Variants in HMGCLL1 observed in about 807,000 individuals in gnomAD.
The protein encoded by HMGCLL1 is 3-hydroxymethyl-3-methylglutaryl-CoA lyase, cytoplasmic.
Under a neutral mutation model 39.1 loss-of-function variants are expected in HMGCLL1, and 36 were observed. The ratio of observed to expected loss-of-function variants is 0.92; its 90% CI spans 0.71 to 1.22. HMGCLL1 has a LOEUF of 1.22. Among genes scored for constraint, HMGCLL1 ranks in the 50% most tolerant of loss-of-function variants. The pLI is 0.00. For missense variants in HMGCLL1, 451 were observed against 416.5 expected (o/e 1.08, Z -0.72); for synonymous variants, 149 against 144.0 (o/e 1.03, Z -0.25).
At chr6:55,583,182 C>T (rs1174128067), upstream of HMGCLL1, among the ~76,000 whole-genome samples, 1 of 151,676 alleles carries the variant, frequency 6.6e-6, no homozygotes, top group Non-Finnish European at 1.5e-5. Flanking sequence ...TTGATGAAGC[C>T]ATTTATTTTT....
chr6:55,444,063 T>C (rs1427081722), intron 7 of HMGCLL1, among the ~76,000 whole-genome samples: 5 of 152,104 alleles, frequency 3.3e-5, no homozygotes, highest in African/African-American at 1.2e-4. Context: ...ATAGTATCAG[T>C]TTGTGAAAAT....
intron 1 of HMGCLL1, among the ~76,000 whole-genome samples, chr6:55,548,277 C>A (rs4521577): frequency 0.67 from 101,345 of 151,760 alleles, 34,117 homozygotes; most frequent in Admixed American, 0.72. Context: ...TAAAAACAAG[C>A]TCTAGAAATG....
At chr6:55,491,344 T>C (rs1766300138) in intron 7 of HMGCLL1, among the ~76,000 whole-genome samples, 5 of 152,036 alleles carry the variant, frequency 3.3e-5, no homozygotes, top group Admixed American at 3.3e-4. Context: ...AAACTTAAAG[T>C]ATAATAAAAA....
At chr6:55,543,586 A>G (rs1266525535) in intron 1 of HMGCLL1, among the ~76,000 whole-genome samples, 1 of 67,342 alleles carries the variant, frequency 1.5e-5, no homozygotes, top group Non-Finnish European at 3.6e-5. Flanking sequence ...TTATATATTT[A>G]TATATATATA....
the HMGCLL1 span, among the ~76,000 whole-genome samples, chr6:55,593,469 T>C: frequency 6.6e-6 from 1 of 152,168 alleles, no homozygotes; most frequent in East Asian, 1.9e-4. Context: ...GGAGAAGTGA[T>C]ATTTCTCCTA....
the HMGCLL1 span, among the ~76,000 whole-genome samples, chr6:55,597,275 C>T: frequency 2.0e-5 from 3 of 151,952 alleles, no homozygotes; most frequent in African/African-American, 7.2e-5. Context: ...TTCATATATA[C>T]TTTTAAAAAG....
At chr6:55,462,808 C>T (rs1764631472) in intron 7 of HMGCLL1, among the ~76,000 whole-genome samples, 1 of 152,096 alleles carries the variant, frequency 6.6e-6, no homozygotes, top group South Asian at 2.1e-4. Flanking sequence ...TATATTGCTG[C>T]TATACATTTC....
chr6:55,517,956 A>T (rs9475335), intron 3 of HMGCLL1, among the ~76,000 whole-genome samples: 103,866 of 151,998 alleles, frequency 0.68, 35,543 homozygotes, highest in Admixed American at 0.73. Flanking sequence ...TTCTCACTTA[A>T]TTCTATACTA....
At chr6:55,521,609 T>G (rs1768047159) in intron 3 of HMGCLL1, among the ~76,000 whole-genome samples, 1 of 152,090 alleles carries the variant, frequency 6.6e-6, no homozygotes, top group African/African-American at 2.4e-5. Context: ...ACTATTGTCA[T>G]TATTTTGTGG....
intron 7 of HMGCLL1, among the ~76,000 whole-genome samples, chr6:55,453,695 A>G (rs1237135100): frequency 6.6e-6 from 1 of 152,260 alleles, no homozygotes; most frequent in African/African-American, 2.4e-5. Flanking sequence ...ATATGTAAGT[A>G]GAAACATTTG....
intron 3 of HMGCLL1, among the ~76,000 whole-genome samples, chr6:55,528,374 T>C (rs1348488045): frequency 1.3e-5 from 2 of 152,116 alleles, no homozygotes; most frequent in South Asian, 2.1e-4. Context: ...TTAAAGGCGA[T>C]ACATTCGTAA....
At chr6:55,631,746 A>G in the HMGCLL1 span, among the ~76,000 whole-genome samples, 4 of 152,240 alleles carry the variant, frequency 2.6e-5, no homozygotes, top group South Asian at 8.3e-4. Flanking sequence ...TTACTGTGGA[A>G]TTGATATATG....
chr6:55,566,685 A>G, intron 1 of HMGCLL1: 1 of 454,306 alleles, frequency 2.2e-6, no homozygotes, highest in South Asian at 1.6e-5. Flanking sequence ...TTAACTTAAT[A>G]GAAACACAGA....
chr6:55,609,917 C>A, the HMGCLL1 span, among the ~76,000 whole-genome samples: 3 of 152,036 alleles, frequency 2.0e-5, no homozygotes, highest in Non-Finnish European at 4.4e-5. Flanking sequence ...CCGAAGTGAA[C>A]CCCCAGCAAA....
intron 3 of HMGCLL1, among the ~76,000 whole-genome samples, chr6:55,527,102 T>C (rs377621304): frequency 5.3e-5 from 8 of 152,082 alleles, no homozygotes; most frequent in African/African-American, 1.7e-4. Context: ...TTCTACCTTC[T>C]ATATCATCCA....
intron 5 of HMGCLL1, chr6:55,513,331 C>T (rs1478722999): frequency 6.6e-6 from 1 of 152,072 alleles, no homozygotes; most frequent in Admixed American, 6.6e-5. Flanking sequence ...TTAGAATGAA[C>T]AGCTGATAAG....
intron 7 of HMGCLL1, among the ~76,000 whole-genome samples, chr6:55,477,143 A>AAT (rs1302267305): frequency 1.4e-5 from 1 of 70,482 alleles, no homozygotes; most frequent in Non-Finnish European, 2.6e-5. Flanking sequence ...TAATAGATAT[A>AAT]ATATATATAT....
intron 7 of HMGCLL1, among the ~76,000 whole-genome samples, chr6:55,472,175 G>A (rs1010647657): frequency 1.2e-4 from 18 of 151,718 alleles, no homozygotes; most frequent in African/African-American, 4.3e-4. Flanking sequence ...CCTAGGAATG[G>A]AATTGTTGGG....
the HMGCLL1 span, among the ~76,000 whole-genome samples, chr6:55,670,119 AC>A: frequency 9.2e-5 from 14 of 151,780 alleles, no homozygotes; most frequent in African/African-American, 3.4e-4. Context: ...AAGACACATG[AC>A]CCTATAGGAG....
Sources: gnomAD v4.1 joint callset for allele counts (sites outside exome capture counted in the v4.1 genomes callset) on GRCh38, gnomAD v4.1.1 for gene constraint, MANE v1.5 for transcripts, NCBI Gene and HGNC (gene_info 2026-07-23, HGNC 2026-07-21) for gene names.